ARHGAP24: variants seen among roughly 807,000 people sequenced by gnomAD.
The protein encoded by ARHGAP24 is rho GTPase-activating protein 24.
Under a neutral mutation model 76.4 loss-of-function variants are expected in ARHGAP24, and 50 were observed. That is an observed-to-expected ratio of 0.65 (90% confidence interval 0.52 to 0.83). The LOEUF is 0.83. Ranked by LOEUF, ARHGAP24 falls within the 40% of genes least tolerant of loss-of-function variation. The pLI is 0.00. For missense variants in ARHGAP24, 930 were observed against 914.2 expected (o/e 1.02, Z -0.22); for synonymous variants, 345 against 323.3 (o/e 1.07, Z -0.72).
intron 3 of ARHGAP24, among the ~76,000 whole-genome samples, chr4:85,759,012 CT>C (rs1354147796): frequency 2.0e-5 from 3 of 152,146 alleles, no homozygotes; most frequent in Non-Finnish European, 4.4e-5. Flanking sequence ...AACTGTATAA[CT>C]CAGCTTACAA....
At chr4:85,964,862 C>A (rs972958624) in intron 5 of ARHGAP24, among the ~76,000 whole-genome samples, 4 of 150,224 alleles carry the variant, frequency 2.7e-5, no homozygotes, top group African/African-American at 9.8e-5. Flanking sequence ...TTTGTGTATA[C>A]GTGTGTGTGT....
chr4:85,898,757 C>CT lies in ARHGAP24; in HGVS notation c.269-24884dup, dbSNP rs1211353825. Among the ~76,000 whole-genome samples, 5 of 151,008 alleles carry CT rather than the reference C, an allele frequency of 3.3e-5. No individual in the cohort carries two copies. In the East Asian group the frequency reaches 9.7e-4, roughly 29 times the overall value. On this transcript the variant is annotated intron_variant, in intron 3 of 9. Coordinates refer to ENST00000395184, the MANE Select transcript of ARHGAP24 (RefSeq NM_001025616.3). Reference sequence around the variant, plus strand: ...ATATGTGCATACATTATTTTTTTTTCTTTTTTTGAGGAGTTTTGCTCTTGT... The same window carrying CT: ...ATATGTGCATACATTATTTTTTTTTCTTTTTTTTGAGGAGTTTTGCTCTTGT...
chr4:85,515,329 A>T (rs1364954120), intron 1 of ARHGAP24, among the ~76,000 whole-genome samples: 1 of 150,926 alleles, frequency 6.6e-6, no homozygotes, highest in African/African-American at 2.4e-5. Context: ...TCTCCCTTCT[A>T]TCTATAACTT....
At chr4:85,576,588 A>C (rs935811887) in intron 2 of ARHGAP24, among the ~76,000 whole-genome samples, 1 of 152,158 alleles carries the variant, frequency 6.6e-6, no homozygotes, top group African/African-American at 2.4e-5. Flanking sequence ...TGAAACTTAG[A>C]TATCATCCTC....
At chr4:85,835,946 A>G (rs1239988175) in intron 3 of ARHGAP24, among the ~76,000 whole-genome samples, 1 of 152,118 alleles carries the variant, frequency 6.6e-6, no homozygotes, top group African/African-American at 2.4e-5. Context: ...TTGGCCTCCC[A>G]AAGTGCTGGG....
intron 3 of ARHGAP24, among the ~76,000 whole-genome samples, chr4:85,846,659 T>C (rs1040509083): frequency 6.6e-6 from 1 of 152,208 alleles, no homozygotes; most frequent in Non-Finnish European, 1.5e-5. Flanking sequence ...TACCTTGTTA[T>C]CTTGGATAAA....
intron 3 of ARHGAP24, among the ~76,000 whole-genome samples, chr4:85,844,721 A>T (rs753057782): frequency 3.3e-5 from 5 of 152,210 alleles, no homozygotes; most frequent in Non-Finnish European, 7.3e-5. Flanking sequence ...TGGTGATCAA[A>T]GTCAAGCAAA....
At chr4:85,708,703 C>T (rs927001253) in intron 2 of ARHGAP24, among the ~76,000 whole-genome samples, 10 of 152,088 alleles carry the variant, frequency 6.6e-5, no homozygotes, top group Admixed American at 2.0e-4. Flanking sequence ...TGTTGGCATC[C>T]GCTTCCTGAC....
intron 1 of ARHGAP24, among the ~76,000 whole-genome samples, chr4:85,538,505 C>T (rs4327479): frequency 0.12 from 18,686 of 152,000 alleles, 3,225 homozygotes; most frequent in African/African-American, 0.39. Flanking sequence ...GCAATGGCCT[C>T]CAAGTGCCCC....
At chr4:85,641,389 C>A (rs902153907) in intron 2 of ARHGAP24, among the ~76,000 whole-genome samples, 36 of 152,146 alleles carry the variant, frequency 2.4e-4, no homozygotes, top group African/African-American at 8.4e-4. Flanking sequence ...GTAGTTTAAG[C>A]AGCAGAAATT....
intron 1 of ARHGAP24, among the ~76,000 whole-genome samples, chr4:85,488,461 T>C (rs867213971): frequency 2.0e-5 from 3 of 152,174 alleles, no homozygotes; most frequent in Admixed American, 6.5e-5. Flanking sequence ...AAATACAGCA[T>C]TGTAGGTCCT....
At chr4:85,965,870 C>T (rs955084953) in intron 5 of ARHGAP24, among the ~76,000 whole-genome samples, 2 of 152,152 alleles carry the variant, frequency 1.3e-5, no homozygotes, top group South Asian at 4.1e-4. Context: ...TTTGCAATAA[C>T]ATTTCATTAC....
intron 1 of ARHGAP24, among the ~76,000 whole-genome samples, chr4:85,559,308 C>T (rs1359456191): frequency 6.6e-6 from 1 of 152,148 alleles, no homozygotes. Context: ...ACATTATATA[C>T]ATTGGTCATG....
chr4:85,545,496 T>C (rs1725887439), intron 1 of ARHGAP24, among the ~76,000 whole-genome samples: 2 of 152,344 alleles, frequency 1.3e-5, no homozygotes, highest in Admixed American at 6.5e-5. Flanking sequence ...TTCTTTCCCC[T>C]TGGGCTGAGA....
intron 3 of ARHGAP24, among the ~76,000 whole-genome samples, chr4:85,847,251 T>A (rs1730944483): frequency 6.6e-6 from 1 of 152,194 alleles, no homozygotes; most frequent in African/African-American, 2.4e-5. Flanking sequence ...TGATTCATTT[T>A]TTTTCATTCA....
chr4:85,510,748 A>G (rs932646791), intron 1 of ARHGAP24, among the ~76,000 whole-genome samples: 8 of 150,030 alleles, frequency 5.3e-5, no homozygotes, highest in African/African-American at 2.0e-4. Flanking sequence ...TCATGGCAAT[A>G]AGTCTTTAAT....
At chr4:85,528,792 G>C (rs1242438803) in intron 1 of ARHGAP24, among the ~76,000 whole-genome samples, 1 of 151,986 alleles carries the variant, frequency 6.6e-6, no homozygotes. Flanking sequence ...CTCTGCATAG[G>C]CAGTAACAAA....
In ARHGAP24 at chr4:85,755,626, G is replaced by GTTTTTTTTTTT. The variant is rs111410344; in HGVS notation, c.268+33658_268+33659insTTTTTTTTTTT. Among the ~76,000 whole-genome samples, 352 of 117,338 alleles carry GTTTTTTTTTTT rather than the reference G, an allele frequency of 3.0e-3. 84 individuals are homozygous for GTTTTTTTTTTT. The highest frequency in any genetic ancestry group is 0.011 in the Middle Eastern group (2 of 190). The allele number at this position is 117,338 out of a possible 152,430, so 77.0% of individuals were successfully genotyped here. A position where few individuals can be genotyped will look rare whatever the true frequency, so the allele number is the denominator to read the frequency against. On this transcript the variant is annotated intron_variant, in intron 3 of 9. Coordinates refer to ENST00000395184, the MANE Select transcript of ARHGAP24 (RefSeq NM_001025616.3). ...TTCTATGGGAAGCTTCTATTCTTTT[G>GTTTTTTTTTTT]TTTTGTTTTGTTTTGTTTTGTTTTG...
At chr4:85,721,844 C>A in intron 2 of ARHGAP24, 41 bp from the exon 3 acceptor site, 2 of 1,517,348 alleles carry the variant, frequency 1.3e-6, no homozygotes, top group Non-Finnish European at 9.1e-7. Context: ...ATGATGTTTG[C>A]TCTCTGATGA....
Sources: allele counts gnomAD v4.1 joint callset (sites outside exome capture counted in the v4.1 genomes callset), GRCh38; gene constraint gnomAD v4.1.1; transcripts MANE v1.5; gene names NCBI Gene and HGNC (gene_info 2026-07-23, HGNC 2026-07-21).